MIXL1: variants seen among roughly 807,000 people sequenced by gnomAD.
MIXL1 encodes Mix paired-like homeobox, also known as homeobox protein MIXL1.
MIXL1 carries 9 observed loss-of-function variants against 9.3 expected under a neutral mutation model. The observed-to-expected ratio is 0.97, with a 90% confidence interval of 0.58 to 1.69. MIXL1 has a LOEUF of 1.69. Among genes scored for constraint, MIXL1 ranks in the 40% most tolerant of loss-of-function variants. The probability of loss-of-function intolerance (pLI) is 0.00; values close to 1 mark genes in which losing one functional copy is unlikely to be tolerated. For synonymous variants in MIXL1, 164 were observed against 155.6 expected, an observed-to-expected ratio of 1.05 and a Z score of -0.40; for missense variants, 330 against 331.7, an observed-to-expected ratio of 0.99 and a Z score of 0.04.
chr1:226,225,773 A>T lies in MIXL1; in HGVS notation c.660A>T (p.Ser220=), dbSNP rs1657147017. 6.2e-7 allele frequency: 1 copy of T among 1,613,840 alleles called. No homozygotes were observed. The highest frequency in any genetic ancestry group is 1.1e-5 in the South Asian group (1 of 91,058). ...LSEDIGSKLD[S]WEEHIFSAFG... is the part of the protein sequence containing the mutation. ...AAGACATTGGTTCAAAGCTGGACTC[A>T]TGGGAGGAACACATCTTTTCTGCCT... is the stretch of plus-strand genomic sequence containing the variant. Residue 220 remains serine, a synonymous_variant, in exon 2 of 2, where the codon TCA becomes TCT. Transcript: ENST00000366810.
At chr1:226,225,214 T>C (rs1576258505) in intron 1 of MIXL1, among the ~76,000 whole-genome samples, 1 of 152,198 alleles carries the variant, frequency 6.6e-6, no homozygotes, top group African/African-American at 2.4e-5. Context: ...GCAGTTTTTT[T>C]CTAAGAATTC....
intron 1 of MIXL1, 104 bp downstream of exon 1, chr1:226,224,178 C>A (rs1657095398): frequency 9.3e-7 from 1 of 1,074,668 alleles, no homozygotes; most frequent in Non-Finnish European, 1.2e-6. Context: ...GTTGCAGGCA[C>A]GGTGCTTCCC....
chr1:226,225,583 T>TGAG lies in MIXL1; in HGVS notation c.470_471insGAG (p.Ile157delinsMetSer). On this transcript the variant is annotated protein_altering_variant, in exon 2 of 2. Transcript: ENST00000366810. The stretch of plus-strand genomic sequence containing the variant: ...TTCCAACCTTTGGCTAGGCCGGAGA[T>TGAG]TATCCTCAACCACTGTGCTCCTGGA... The TGAG allele has an allele frequency of 6.2e-7, 1 of 1,614,234 alleles. No individual in the cohort carries two copies. The highest frequency in any genetic ancestry group is 8.5e-7 in the Non-Finnish European group (1 of 1,180,046).
At chr1:226,225,356 C>G in intron 1 of MIXL1, 151 bp from the exon 2 acceptor site, 1 of 777,556 alleles carries the variant, frequency 1.3e-6, no homozygotes. Flanking sequence ...TTCTGAACTT[C>G]TAATCGTCAA....
In MIXL1 at chr1:226,225,555, T is replaced by TC; in HGVS notation, c.444dup (p.Phe149LeufsTer6). On this transcript the variant is annotated frameshift_variant, in exon 2 of 2. Coordinates refer to ENST00000366810, the MANE Select transcript of MIXL1 (RefSeq NM_031944.3). LOFTEE classifies it low-confidence loss of function (END_TRUNC). ...CAAGTCTCGGCGTCAGAGTGGGAAA[T>TC]CCTTCCAACCTTTGGCTAGGCCGGA... 1 of 1,614,194 alleles carries TC rather than the reference T, an allele frequency of 6.2e-7. No individual in the cohort carries two copies. Among genetic ancestry groups the TC allele is most frequent in the Non-Finnish European group, 8.5e-7 (1 of 1,180,040 alleles).
Position 226,223,985 on chromosome 1 carries a change from G to C in MIXL1, c.304G>C (p.Glu102Gln), listed in dbSNP as rs202005618. Residue 102 changes from glutamate (E) to glutamine (Q), a missense_variant, in exon 1 of 2, where the codon GAG becomes CAG. Glu to Gln is a conservative substitution (Grantham distance 29, BLOSUM62 2). Transcript: ENST00000366810. ...SFSAEQLQLL[E>Q]LVFRRTRYPD... The stretch of plus-strand genomic sequence containing the variant: ...CAGCGCCGAACAGCTGCAGCTGCTG[G>C]AGCTCGTCTTCCGCCGGACCCGGTA... 1,154 of 1,449,752 alleles carry C rather than the reference G, an allele frequency of 8.0e-4. No homozygotes were observed. The highest frequency in any genetic ancestry group is 1.0e-3 in the Non-Finnish European group (1,112 of 1,090,294). The allele number at this position is 1,449,752 out of a possible 1,614,324, so 89.8% of individuals were successfully genotyped here. A position where few individuals can be genotyped will look rare whatever the true frequency, so the allele number is the denominator to read the frequency against.
intron 1 of MIXL1, among the ~76,000 whole-genome samples, chr1:226,224,733 A>G (rs948034912): frequency 6.6e-6 from 1 of 152,134 alleles, no homozygotes; most frequent in Admixed American, 6.6e-5. Flanking sequence ...TCCGCCTCCC[A>G]GGTTCAAGTG....
Position 226,223,721 on chromosome 1 carries a change from G to A in MIXL1, c.40G>A (p.Gly14Ser). 1.4e-6 allele frequency: 2 copies of A among 1,464,304 alleles called. No homozygotes were observed. Among genetic ancestry groups the A allele is most frequent in the Non-Finnish European group, 1.8e-6 (2 of 1,114,564 alleles). The allele number at this position is 1,464,304 out of a possible 1,614,324, so 90.7% of individuals were successfully genotyped here. A position where few individuals can be genotyped will look rare whatever the true frequency, so the allele number is the denominator to read the frequency against. The change falls in exon 1 of 2, where the codon GGC becomes AGC. Residue 14 changes from glycine (G) to serine (S), a missense_variant. Coordinates refer to ENST00000366810, the MANE Select transcript of MIXL1 (RefSeq NM_031944.3). ...AESRALQFAE[G>S]AAFPAYRAPH... ...GTCCCGTGCGCTCCAGTTTGCCGAG[G>A]GCGCCGCGTTTCCAGCGTACCGGGC...
At position 226,223,943 on chromosome 1, in the gene MIXL1, C is replaced by A. The variant is rs749127787; in HGVS notation, c.262C>A (p.Arg88Ser). 1 of 1,428,124 alleles carries A rather than the reference C, an allele frequency of 7.0e-7. No individual in the cohort carries two copies. Among genetic ancestry groups the A allele is most frequent in the African/African-American group, 1.4e-5 (1 of 69,440 alleles). The allele number at this position is 1,428,124 out of a possible 1,614,324, so 88.5% of individuals were successfully genotyped here. The change falls in exon 1 of 2, where the codon CGC (arginine) becomes AGC (serine). Residue 88 changes from arginine (R) to serine (S), a missense_variant. Physicochemically the swap from Arg to Ser is moderately radical, Grantham distance 110. Coordinates refer to ENST00000366810, the MANE Select transcript of MIXL1 (RefSeq NM_031944.3). Reference protein sequence around the residue: ...GAAAPSASQRRKRTSFSAEQL... With the variant: ...GAAAPSASQRSKRTSFSAEQL... Reference sequence around the variant, plus strand: ...GGCCGCCCCGTCGGCGTCGCAGCGCCGCAAGCGCACGTCTTTCAGCGCCGA... The same window carrying A: ...GGCCGCCCCGTCGGCGTCGCAGCGCAGCAAGCGCACGTCTTTCAGCGCCGA...
rs773823758 is a variant in MIXL1, at chr1:226,223,751, C to A, written c.70C>A (p.His24Asn). ...GAAFPAYRAP[H>N]AGGALLPPPS... ...CGCGTTTCCAGCGTACCGGGCCCCC[C>A]ACGCCGGCGGGGCGCTCCTGCCGCC... Residue 24 changes from histidine to asparagine, a missense_variant, in exon 1 of 2, where the codon CAC becomes AAC. His to Asn is a moderately conservative substitution (Grantham distance 68). Transcript: ENST00000366810. The A allele has an allele frequency of 4.2e-5, 60 of 1,432,618 alleles. No homozygotes were observed. The African/African-American group carries it at 7.4e-4, about 18-fold the overall frequency. The allele number at this position is 1,432,618 out of a possible 1,614,324, so 88.7% of individuals were successfully genotyped here. A position where few individuals can be genotyped will look rare whatever the true frequency, so the allele number is the denominator to read the frequency against.
rs763944415 is a variant in MIXL1 at position 226,225,595 on chromosome 1, A to C, written c.482A>C (p.His161Pro). ...GCTAGGCCGGAGATTATCCTCAACC[A>C]CTGTGCTCCTGGAACTGAAACGAAA... ...PLARPEIILN[H>P]CAPGTETKCL... Residue 161 changes from histidine (H) to proline (P), a missense_variant, in exon 2 of 2, where the codon CAC becomes CCC. Physicochemically the swap from His to Pro is moderately conservative, Grantham distance 77. Transcript: ENST00000366810. 1.9e-6 allele frequency: 3 copies of C among 1,614,152 alleles called. No homozygotes were observed. Among genetic ancestry groups the C allele is most frequent in the South Asian group, 1.1e-5 (1 of 91,082 alleles).
chr1:226,224,022 A>G lies in MIXL1; in HGVS notation c.341A>G (p.His114Arg). 1 of 1,424,182 alleles carries G rather than the reference A, an allele frequency of 7.0e-7. No homozygotes were observed. Among genetic ancestry groups the G allele is most frequent in the South Asian group, 1.6e-5 (1 of 64,052 alleles). The allele number at this position is 1,424,182 out of a possible 1,614,324, so 88.2% of individuals were successfully genotyped here. Residue 114 changes from histidine (H) to arginine (R), a missense_variant, in exon 1 of 2, where the codon CAC becomes CGC. Transcript: ENST00000366810. ...VFRRTRYPDI[H>R]LRERLAALTL... ...CGCCGGACCCGGTACCCCGACATCC[A>G]CTTGCGCGAGCGCCTGGCCGCGCTC...
chr1:226,225,908 A>C lies in MIXL1; in HGVS notation c.*96A>C. ...ACTGTCCTTTCTGACTTCCATGCTA[A>C]GGACATGTCCTTGTTAACCTTGATG... On this transcript the variant is annotated 3_prime_UTR_variant, in exon 2 of 2. Coordinates refer to ENST00000366810, the MANE Select transcript of MIXL1 (RefSeq NM_031944.3). 2.0e-6 allele frequency: 2 copies of C among 1,010,502 alleles called. No individual in the cohort carries two copies. The highest frequency in any genetic ancestry group is 2.9e-6 in the Non-Finnish European group (2 of 680,484). The allele number at this position is 1,010,502 out of a possible 1,614,324, so 62.6% of individuals were successfully genotyped here. A position where few individuals can be genotyped will look rare whatever the true frequency, so the allele number is the denominator to read the frequency against.
In MIXL1 at chr1:226,225,927, C is replaced by A; in HGVS notation, c.*115C>A. ...ATGCTAAGGACATGTCCTTGTTAAC[C>A]TTGATGATGGTTTTGACAGCACCTC... On this transcript the variant is annotated 3_prime_UTR_variant, in exon 2 of 2. Coordinates refer to ENST00000366810, the MANE Select transcript of MIXL1 (RefSeq NM_031944.3). 1.1e-6 allele frequency: 1 copy of A among 895,976 alleles called. No homozygotes were observed. The highest frequency in any genetic ancestry group is 1.7e-6 in the Non-Finnish European group (1 of 581,390). 55.5% of individuals were successfully genotyped at this position (895,976 alleles called of 1,614,324 possible).
Position 226,224,081 on chromosome 1 carries a change from G to A in MIXL1, c.393+7G>A. ...CCCCGAGTCCAGGATCCAGGTGAGG[G>A]CCCGCTGCGTTCGCAAGTGCGCGCT... On this transcript the variant is annotated splice_region_variant and intron_variant, in intron 1 of 1. Transcript: ENST00000366810. 7.6e-7 allele frequency: 1 copy of A among 1,308,730 alleles called. No homozygotes were observed. Among genetic ancestry groups the A allele is most frequent in the Non-Finnish European group, 9.8e-7 (1 of 1,023,150 alleles). 81.1% of individuals were successfully genotyped at this position (1,308,730 alleles called of 1,614,324 possible). A position where few individuals can be genotyped will look rare whatever the true frequency, so the allele number is the denominator to read the frequency against.
In MIXL1 at chr1:226,223,697, T is replaced by G; in HGVS notation, c.16T>G (p.Ser6Ala). The change falls in exon 1 of 2, where the codon TCC becomes GCC. Residue 6 changes from serine (S) to alanine (A), a missense_variant. Transcript: ENST00000366810. Reference protein sequence around the residue: MATAESRALQFAEGAA... With the variant: MATAEARALQFAEGAA... ...TTCCGGAGCGATGGCCACAGCCGAGTCCCGTGCGCTCCAGTTTGCCGAGGG... is the reference window on the plus strand; with the variant it reads ...TTCCGGAGCGATGGCCACAGCCGAGGCCCGTGCGCTCCAGTTTGCCGAGGG... 1.4e-6 allele frequency: 2 copies of G among 1,470,414 alleles called. No individual in the cohort carries two copies. Among genetic ancestry groups the G allele is most frequent in the East Asian group, 5.9e-5 (2 of 33,882 alleles). The allele number at this position is 1,470,414 out of a possible 1,614,324, so 91.1% of individuals were successfully genotyped here. A position where few individuals can be genotyped will look rare whatever the true frequency, so the allele number is the denominator to read the frequency against.
Position 226,225,848 on chromosome 1 carries a change from C to T in MIXL1, c.*36C>T. On this transcript the variant is annotated 3_prime_UTR_variant, in exon 2 of 2. Coordinates refer to ENST00000366810, the MANE Select transcript of MIXL1 (RefSeq NM_031944.3). The stretch of plus-strand genomic sequence containing the variant: ...AGAATTCGGGATAAGCTCTGAGGAG[C>T]CATGACTGACAGCCTGGGAGAGACA... The T allele has an allele frequency of 6.6e-7, 1 of 1,522,872 alleles. No homozygotes were observed. Among genetic ancestry groups the T allele is most frequent in the African/African-American group, 1.4e-5 (1 of 73,168 alleles). The allele number at this position is 1,522,872 out of a possible 1,614,324, so 94.3% of individuals were successfully genotyped here.
rs774618035 is a variant in MIXL1, at chr1:226,224,044, G to A, written c.363G>A (p.Ala121=). Residue 121 remains alanine, a synonymous_variant, in exon 1 of 2, where the codon GCG becomes GCA. Coordinates refer to ENST00000366810, the MANE Select transcript of MIXL1 (RefSeq NM_031944.3). ...PDIHLRERLA[A]LTLLPESRIQ... ...TCCACTTGCGCGAGCGCCTGGCCGC[G>A]CTCACCCTGCTCCCCGAGTCCAGGA... The A allele has an allele frequency of 2.3e-5, 31 of 1,374,350 alleles. No homozygotes were observed. Among genetic ancestry groups the A allele is most frequent in the Non-Finnish European group, 2.5e-5 (26 of 1,052,200 alleles). The allele number at this position is 1,374,350 out of a possible 1,614,324, so 85.1% of individuals were successfully genotyped here.
rs376164738 is a variant in MIXL1, at chr1:226,225,635, G to A, written c.522G>A (p.Gln174=). ...CTGAAACGAAATGTCTGAAGCCCCA[G>A]CTGCCTCTTGAGGTAGATGTGAACT... ...PGTETKCLKP[Q]LPLEVDVNCL... Residue 174 remains glutamine, a synonymous_variant, in exon 2 of 2, where the codon CAG becomes CAA. Coordinates refer to ENST00000366810, the MANE Select transcript of MIXL1 (RefSeq NM_031944.3). 6.2e-7 allele frequency: 1 copy of A among 1,614,196 alleles called. No individual in the cohort carries two copies. The highest frequency in any genetic ancestry group is 8.5e-7 in the Non-Finnish European group (1 of 1,180,038).
Sources: gnomAD v4.1 joint callset for allele counts (sites outside exome capture counted in the v4.1 genomes callset) on GRCh38, gnomAD v4.1.1 for gene constraint, MANE v1.5 for transcripts, NCBI Gene and HGNC (gene_info 2026-07-23, HGNC 2026-07-21) for gene names.